Variants in HNRNPC observed in about 807,000 individuals in gnomAD.
HNRNPC encodes the protein heterogeneous nuclear ribonucleoprotein C.
Under a neutral mutation model 33.2 loss-of-function variants are expected in HNRNPC, and 3 were observed. That is an observed-to-expected ratio of 0.09 (90% CI 0.04 to 0.23). The LOEUF is 0.23. HNRNPC is among the 10% of genes least tolerant of loss of function. The probability of loss-of-function intolerance (pLI) is 1.00; values close to 1 mark genes in which losing one functional copy is unlikely to be tolerated. For missense variants in HNRNPC, 143 were observed against 366.7 expected (o/e 0.39, Z 4.98); for synonymous variants, 121 against 126.7 (o/e 0.96, Z 0.30).
intron 2 of HNRNPC, among the ~76,000 whole-genome samples, chr14:21,256,340 T>C (rs1425539020): frequency 6.6e-6 from 1 of 151,806 alleles, no homozygotes; most frequent in Non-Finnish European, 1.5e-5. Flanking sequence ...TCCCAGCTAC[T>C]TGGAAGGCTG....
At chr14:21,226,357 T>C (rs914583068) in intron 5 of HNRNPC, among the ~76,000 whole-genome samples, 4 of 148,140 alleles carry the variant, frequency 2.7e-5, no homozygotes, top group Admixed American at 6.7e-5. Flanking sequence ...AAAGAAAGAA[T>C]AGTACCAGGG....
intron 5 of HNRNPC, among the ~76,000 whole-genome samples, chr14:21,215,346 AGTAT>A (rs1566595348): frequency 6.6e-6 from 1 of 152,244 alleles, no homozygotes; most frequent in East Asian, 1.9e-4. Flanking sequence ...TAAGAAGCTC[AGTAT>A]GACTACTTCA....
chr14:21,229,087 A>T (rs958472301), intron 5 of HNRNPC, among the ~76,000 whole-genome samples: 9 of 122,316 alleles, frequency 7.4e-5, no homozygotes, highest in African/African-American at 2.0e-4. Context: ...TCCGTATTTA[A>T]AAAAAAAAAA....
rs1064971 is a variant in HNRNPC at position 21,211,128 on chromosome 14, G to T, written c.*95C>A. On this transcript the variant is annotated 3_prime_UTR_variant, in exon 9 of 9. Transcript: ENST00000553300. ...GGGAGAACAGTGAGCATGTGCTGAA[G>T]ATACTAGGGGAGAGGATCTGGTGAA... 16 of 1,237,890 alleles carry T rather than the reference G, an allele frequency of 1.3e-5. No homozygotes were observed. The highest frequency in any genetic ancestry group is 1.8e-5 in the Non-Finnish European group (15 of 857,124). The allele number at this position is 1,237,890 out of a possible 1,614,324, so 76.7% of individuals were successfully genotyped here.
At chr14:21,216,534 C>G (rs1041301168) in intron 5 of HNRNPC, among the ~76,000 whole-genome samples, 7 of 152,094 alleles carry the variant, frequency 4.6e-5, no homozygotes, top group Admixed American at 2.0e-4. Context: ...ATGGTGAAAC[C>G]CAGTGTCTAC....
At chr14:21,246,342 G>A (rs962394688) in intron 2 of HNRNPC, among the ~76,000 whole-genome samples, 3 of 152,040 alleles carry the variant, frequency 2.0e-5, no homozygotes, top group African/African-American at 7.2e-5. Flanking sequence ...GGTGGATCAC[G>A]AGGTTAAGAG....
chr14:21,213,235 TTTCA>T lies in HNRNPC; in HGVS notation c.366-122_366-119del, dbSNP rs1891811159. The stretch of plus-strand genomic sequence containing the variant: ...TCTCTAGTCGTTTCCTTTTATTAAA[TTTCA>T]TTAAGAAGGCCAGCAAAAACCTCCA... On this transcript the variant is annotated intron_variant, in intron 5 of 8. Transcript: ENST00000553300. The T allele has an allele frequency of 3.6e-6, 4 of 1,111,892 alleles. No homozygotes were observed. The South Asian group carries it at 5.2e-5, about 15-fold the overall frequency. 68.9% of individuals were successfully genotyped at this position (1,111,892 alleles called of 1,614,324 possible). A position where few individuals can be genotyped will look rare whatever the true frequency, so the allele number is the denominator to read the frequency against.
chr14:21,225,209 T>A (rs146310491), intron 5 of HNRNPC, among the ~76,000 whole-genome samples: 11 of 151,372 alleles, frequency 7.3e-5, no homozygotes, highest in African/African-American at 2.7e-4. Flanking sequence ...TCACCTGAGG[T>A]CAGGAGTTTG....
chr14:21,260,603 G>A (rs551135784), intron 2 of HNRNPC, among the ~76,000 whole-genome samples: 3 of 152,074 alleles, frequency 2.0e-5, no homozygotes, highest in African/African-American at 7.2e-5. Context: ...TGGATCACCT[G>A]AGGTCAGGAA....
intron 2 of HNRNPC, among the ~76,000 whole-genome samples, chr14:21,240,486 T>A (rs1278634629): frequency 6.6e-6 from 1 of 152,200 alleles, no homozygotes; most frequent in African/African-American, 2.4e-5. Flanking sequence ...GGTACGGCAG[T>A]TTGCATTATC....
intron 6 of HNRNPC, among the ~76,000 whole-genome samples, chr14:21,212,684 A>G (rs1390162128): frequency 6.6e-6 from 1 of 151,948 alleles, no homozygotes; most frequent in African/African-American, 2.4e-5. Flanking sequence ...CTGGGATTAC[A>G]TGCACGCACC....
chr14:21,226,176 G>T (rs540710643), intron 5 of HNRNPC, among the ~76,000 whole-genome samples: 1 of 151,794 alleles, frequency 6.6e-6, no homozygotes, highest in East Asian at 1.9e-4. Flanking sequence ...CAAAAAATCA[G>T]CTGGGTGTGG....
At position 21,210,673 on chromosome 14, in the gene HNRNPC, T is replaced by C. The variant is rs1891503240; in HGVS notation, c.*550A>G. The C allele has an allele frequency of 6.6e-6, 1 of 152,620 alleles. No individual in the cohort carries two copies. Among genetic ancestry groups the C allele is most frequent in the Non-Finnish European group, 1.5e-5 (1 of 68,152 alleles). The allele number at this position is 152,620 out of a possible 1,614,324, so 9.5% of individuals were successfully genotyped here. A position where few individuals can be genotyped will look rare whatever the true frequency, so the allele number is the denominator to read the frequency against. On this transcript the variant is annotated 3_prime_UTR_variant, in exon 9 of 9. Transcript: ENST00000553300. The stretch of plus-strand genomic sequence containing the variant: ...CTTTAGAAAACAAATCTTAAGACTA[T>C]AACACTAATTATTTTTCTAGAGGAT...
intron 5 of HNRNPC, among the ~76,000 whole-genome samples, chr14:21,215,727 G>A (rs1451910772): frequency 2.0e-5 from 3 of 151,860 alleles, no homozygotes; most frequent in African/African-American, 4.8e-5. Flanking sequence ...GGGAAACCCC[G>A]TGTATACTAA....
intron 2 of HNRNPC, among the ~76,000 whole-genome samples, chr14:21,261,036 C>T (rs1468842031): frequency 6.6e-6 from 1 of 151,400 alleles, no homozygotes; most frequent in Non-Finnish European, 1.5e-5. Context: ...TCACATCACA[C>T]ACTACAGTCT....
intron 2 of HNRNPC, among the ~76,000 whole-genome samples, chr14:21,246,687 G>C (rs1462732513): frequency 6.6e-6 from 1 of 152,086 alleles, no homozygotes; most frequent in Non-Finnish European, 1.5e-5. Flanking sequence ...CTCTCCAGAT[G>C]CTACTTTTCT....
rs1163913794 is a variant in HNRNPC at position 21,222,677 on chromosome 14, G to A, written c.365+7642C>T. On this transcript the variant is annotated intron_variant, in intron 5 of 8. Coordinates refer to ENST00000553300, the MANE Select transcript of HNRNPC (RefSeq NM_004500.4). ...GGAGGCCGAGGCAGGCAGATCATGA[G>A]GTCAGGAGATCAAGACCATCCTGGC... 2.0e-5 allele frequency among the ~76,000 whole-genome samples: 3 copies of A among 152,094 alleles called. No homozygotes were observed. In the East Asian group the frequency reaches 5.8e-4, roughly 29 times the overall value.
At chr14:21,230,946 A>G (rs1452150009) in intron 4 of HNRNPC, 51 bp downstream of exon 4, 9 of 1,603,998 alleles carry the variant, frequency 5.6e-6, no homozygotes, top group Non-Finnish European at 7.7e-6. Context: ...TATAAATAAT[A>G]AAGTTCCGGA....
intron 5 of HNRNPC, among the ~76,000 whole-genome samples, chr14:21,229,549 T>A (rs1292659879): frequency 6.6e-6 from 1 of 152,166 alleles, no homozygotes; most frequent in African/African-American, 2.4e-5. Context: ...ACGTACCATA[T>A]TCTGTGAGGT....
Sources: gnomAD v4.1 joint callset for allele counts (sites outside exome capture counted in the v4.1 genomes callset) on GRCh38, gnomAD v4.1.1 for gene constraint, MANE v1.5 for transcripts, NCBI Gene and HGNC (gene_info 2026-07-23, HGNC 2026-07-21) for gene names.